Variants in SGCZ observed in about 807,000 individuals in gnomAD.
The protein encoded by SGCZ is sarcoglycan zeta.
SGCZ carries 40 observed loss-of-function variants against 41.3 expected under a neutral mutation model. The ratio of observed to expected loss-of-function variants is 0.97; its 90% CI spans 0.75 to 1.26. The LOEUF is 1.26. SGCZ is among the 50% of genes most tolerant of loss of function. The probability of loss-of-function intolerance (pLI) is 0.00; values close to 1 mark genes in which losing one functional copy is unlikely to be tolerated. For missense variants in SGCZ, 552 were observed against 369.8 expected (o/e 1.49, Z -4.04); for synonymous variants, 206 against 137.5 (o/e 1.50, Z -3.49).
intron 1 of SGCZ, among the ~76,000 whole-genome samples, chr8:15,002,138 C>G (rs944427877): frequency 6.6e-6 from 1 of 151,136 alleles, no homozygotes; most frequent in African/African-American, 2.4e-5. Flanking sequence ...AGCCACAGAA[C>G]AGCAGCATAA....
intron 3 of SGCZ, among the ~76,000 whole-genome samples, chr8:14,254,511 T>C (rs547665551): frequency 1.3e-5 from 2 of 152,286 alleles, no homozygotes; most frequent in African/African-American, 4.8e-5. Context: ...GTAAATGAAA[T>C]GAATGAATAG....
At chr8:14,518,117 A>AT (rs1445683278) in intron 2 of SGCZ, among the ~76,000 whole-genome samples, 2 of 151,806 alleles carry the variant, frequency 1.3e-5, no homozygotes, top group South Asian at 2.1e-4. Context: ...TTGCTCATAG[A>AT]TTTTTTCTTC....
chr8:14,380,046 A>C (rs1198886198), intron 2 of SGCZ, among the ~76,000 whole-genome samples: 2 of 152,046 alleles, frequency 1.3e-5, no homozygotes, highest in African/African-American at 4.8e-5. Context: ...ATGTTGTTTT[A>C]ATCTTCACTT....
intron 2 of SGCZ, among the ~76,000 whole-genome samples, chr8:14,462,626 A>T (rs993511537): frequency 4.6e-5 from 7 of 151,948 alleles, no homozygotes; most frequent in Non-Finnish European, 1.0e-4. Flanking sequence ...TGTAGCTTTA[A>T]AGTAAGTTTT....
At chr8:14,665,186 C>T (rs778903765) in intron 1 of SGCZ, among the ~76,000 whole-genome samples, 45 of 152,178 alleles carry the variant, frequency 3.0e-4, no homozygotes, top group African/African-American at 9.6e-5. Flanking sequence ...CAACAGGCCC[C>T]GGTGTGTGAT....
chr8:15,107,468 A>G (rs757093716), intron 1 of SGCZ, among the ~76,000 whole-genome samples: 1 of 152,144 alleles, frequency 6.6e-6, no homozygotes, highest in Admixed American at 6.5e-5. Flanking sequence ...CCTGTTAAAA[A>G]TAACCTGGCT....
intron 1 of SGCZ, among the ~76,000 whole-genome samples, chr8:14,605,711 ACTT>A (rs1261523877): frequency 6.6e-6 from 1 of 152,134 alleles, no homozygotes; most frequent in African/African-American, 2.4e-5. Context: ...TGTTGACTTC[ACTT>A]CTTATTTGCA....
At chr8:14,759,345 C>CAA (rs5889548) in intron 1 of SGCZ, among the ~76,000 whole-genome samples, 5 of 149,664 alleles carry the variant, frequency 3.3e-5, no homozygotes, top group East Asian at 3.9e-4. Context: ...TTAGCCTCAA[C>CAA]AAAAAAAAAA....
chr8:14,191,209 T>C (rs1248204979), intron 4 of SGCZ, among the ~76,000 whole-genome samples: 1 of 152,234 alleles, frequency 6.6e-6, no homozygotes, highest in Non-Finnish European at 1.5e-5. Flanking sequence ...TTCTTGCTAT[T>C]GAGCTGTGTT....
intron 1 of SGCZ, among the ~76,000 whole-genome samples, chr8:14,623,733 C>T (rs376235673): frequency 7.9e-5 from 12 of 152,176 alleles, no homozygotes; most frequent in South Asian, 2.1e-4. Flanking sequence ...ATGCATTTTC[C>T]GCCTCCCTGC....
rs569125515 is a variant in SGCZ at position 14,509,796 on chromosome 8, G to C, written c.234+44936C>G. Among the ~76,000 whole-genome samples the C allele has an allele frequency of 2.0e-5, 3 of 152,254 alleles. No individual in the cohort carries two copies. The East Asian group carries it at 5.8e-4, about 29-fold the overall frequency. On this transcript the variant is annotated intron_variant, in intron 2 of 7. Transcript: ENST00000382080. The stretch of plus-strand genomic sequence containing the variant: ...CCTCGGGAGACTTACAATCATGGCA[G>C]AAGGGAAAACAGTCACATTTTACAA...
At chr8:14,580,537 C>G (rs921820003) in intron 1 of SGCZ, among the ~76,000 whole-genome samples, 13 of 151,894 alleles carry the variant, frequency 8.6e-5, no homozygotes, top group African/African-American at 3.1e-4. Context: ...TATAAACAAA[C>G]CAACAAACAA....
intron 1 of SGCZ, among the ~76,000 whole-genome samples, chr8:15,232,890 T>C (rs1180864255): frequency 6.6e-6 from 1 of 151,324 alleles, no homozygotes; most frequent in Non-Finnish European, 1.5e-5. Flanking sequence ...AATATAGTAA[T>C]TAGCTTCCTT....
At chr8:14,461,627 A>G (rs2116953485) in intron 2 of SGCZ, among the ~76,000 whole-genome samples, 1 of 152,260 alleles carries the variant, frequency 6.6e-6, no homozygotes, top group South Asian at 2.1e-4. Context: ...CATATCCCTG[A>G]GGAGTTTTTC....
At chr8:15,194,228 C>CACACACA in intron 1 of SGCZ, among the ~76,000 whole-genome samples, 1 of 141,224 alleles carries the variant, frequency 7.1e-6, no homozygotes, top group South Asian at 2.3e-4. Context: ...CACACACACA[C>CACACACA]CACAACCCTC....
chr8:15,222,179 AG>A (rs931759372), intron 1 of SGCZ, among the ~76,000 whole-genome samples: 1 of 152,222 alleles, frequency 6.6e-6, no homozygotes, highest in African/African-American at 2.4e-5. Flanking sequence ...TATATTCTAA[AG>A]GGGGCTAAAT....
intron 1 of SGCZ, among the ~76,000 whole-genome samples, chr8:14,860,706 A>G (rs528496587): frequency 1.0e-4 from 10 of 96,106 alleles, no homozygotes; most frequent in African/African-American, 4.4e-4. Context: ...GAAAGAAAGA[A>G]AGAGAAAGAA....
intron 1 of SGCZ, among the ~76,000 whole-genome samples, chr8:14,565,207 T>C (rs1804322433): frequency 6.6e-6 from 1 of 152,204 alleles, no homozygotes; most frequent in African/African-American, 2.4e-5. Context: ...AAAATAATTT[T>C]TTTCAGTCAT....
At chr8:14,411,707 C>G (rs1485283498) in intron 2 of SGCZ, among the ~76,000 whole-genome samples, 1 of 152,100 alleles carries the variant, frequency 6.6e-6, no homozygotes, top group East Asian at 1.9e-4. Context: ...TGTGTAAATA[C>G]TATTATAATA....
Sources: gnomAD v4.1 joint callset for allele counts (sites outside exome capture counted in the v4.1 genomes callset) on GRCh38, gnomAD v4.1.1 for gene constraint, MANE v1.5 for transcripts, NCBI Gene and HGNC (gene_info 2026-07-23, HGNC 2026-07-21) for gene names.